The following RASAL2 variants were observed in gnomAD, a reference collection of about 807,000 sequenced individuals.
RASAL2 encodes the protein ras GTPase-activating protein nGAP.
RASAL2 carries 58 observed loss-of-function variants against 128.9 expected under a neutral mutation model. The ratio of observed to expected loss-of-function variants is 0.45; its 90% CI spans 0.36 to 0.56. RASAL2 has a LOEUF of 0.56. Ranked by LOEUF, RASAL2 falls within the 20% of genes least tolerant of loss-of-function variation. The pLI is 0.00. For missense variants in RASAL2, 1,360 were observed against 1,601.6 expected (o/e 0.85, Z 2.57); for synonymous variants, 561 against 580.8 (o/e 0.97, Z 0.49).
chr1:178,445,471 A>G, intron 8 of RASAL2, 47 bp from the exon 9 acceptor site: 1 of 1,584,896 alleles, frequency 6.3e-7, no homozygotes, highest in Middle Eastern at 1.7e-4. Context: ...TCTAATGTGT[A>G]TTATTTATTC....
Position 178,457,884 on chromosome 1 carries a change from A to G in RASAL2, c.2592A>G (p.Ala864=). 4 of 1,614,176 alleles carry G rather than the reference A, an allele frequency of 2.5e-6. No homozygotes were observed. The highest frequency in any genetic ancestry group is 1.1e-5 in the South Asian group (1 of 91,076). Residue 864 remains alanine (A), a synonymous_variant, in exon 14 of 18, where the codon GCA becomes GCG. Transcript: ENST00000367649. ...QDTHAAQVEH[A]SVMLDVPIRL... ...CTCATGCTGCTCAAGTGGAGCATGCATCTGTCATGCTTGATGTGCCTATAC... is the reference window on the plus strand; with the variant it reads ...CTCATGCTGCTCAAGTGGAGCATGCGTCTGTCATGCTTGATGTGCCTATAC...
At chr1:178,211,098 C>T (rs1571636446) in intron 1 of RASAL2, among the ~76,000 whole-genome samples, 1 of 152,192 alleles carries the variant, frequency 6.6e-6, no homozygotes, top group African/African-American at 2.4e-5. Flanking sequence ...CTATTAAAGA[C>T]ACAGCTCAGT....
intron 5 of RASAL2, 73 bp downstream of exon 5, chr1:178,420,693 C>T (rs968236691): frequency 8.9e-7 from 1 of 1,118,626 alleles, no homozygotes; most frequent in Middle Eastern, 2.1e-4. Context: ...TTGGTCTATT[C>T]TGAATTTGAA....
chr1:178,285,115 T>C (rs1408947779), intron 2 of RASAL2, among the ~76,000 whole-genome samples: 11 of 132,924 alleles, frequency 8.3e-5, no homozygotes. Context: ...TTTTTTTTTT[T>C]TTTTTTTTTT....
At chr1:178,309,043 CTG>C (rs1252217257) in intron 3 of RASAL2, among the ~76,000 whole-genome samples, 2 of 151,980 alleles carry the variant, frequency 1.3e-5, no homozygotes, top group African/African-American at 4.8e-5. Context: ...TAAATAATGT[CTG>C]TGTATGGTAG....
intron 1 of RASAL2, among the ~76,000 whole-genome samples, chr1:178,196,364 A>T (rs1662659275): frequency 2.6e-5 from 4 of 152,194 alleles, no homozygotes; most frequent in Admixed American, 2.6e-4. Context: ...AAAAGATTAA[A>T]ATTCAGAATA....
At chr1:178,429,572 T>G (rs1478980889) in intron 5 of RASAL2, among the ~76,000 whole-genome samples, 1 of 152,136 alleles carries the variant, frequency 6.6e-6, no homozygotes, top group African/African-American at 2.4e-5. Flanking sequence ...ATACAGAATC[T>G]GTTTTATCTA....
chr1:178,267,392 G>A (rs943188951), intron 1 of RASAL2, among the ~76,000 whole-genome samples: 6 of 151,562 alleles, frequency 4.0e-5, no homozygotes, highest in Admixed American at 6.6e-5. Flanking sequence ...TTTGGTGATT[G>A]GTTGGTTTGT....
intron 4 of RASAL2, among the ~76,000 whole-genome samples, chr1:178,416,392 C>A (rs989695037): frequency 6.6e-5 from 10 of 151,986 alleles, no homozygotes; most frequent in Admixed American, 4.6e-4. Context: ...CATTATTATT[C>A]ATTTCCCTTA....
intron 3 of RASAL2, among the ~76,000 whole-genome samples, chr1:178,301,962 G>C (rs1210968427): frequency 6.6e-6 from 1 of 152,112 alleles, no homozygotes; most frequent in African/African-American, 2.4e-5. Flanking sequence ...CTTATCTTTT[G>C]TGCTTAACAA....
chr1:178,437,796 G>A (rs1676352078), intron 5 of RASAL2, among the ~76,000 whole-genome samples: 2 of 151,948 alleles, frequency 1.3e-5, no homozygotes, highest in Non-Finnish European at 1.5e-5. Flanking sequence ...TATAGTTGAT[G>A]TACTATATTT....
chr1:178,173,688 TA>T (rs931737511), intron 1 of RASAL2, among the ~76,000 whole-genome samples: 4 of 152,056 alleles, frequency 2.6e-5, no homozygotes, highest in African/African-American at 9.7e-5. Flanking sequence ...CGAGTAGCCT[TA>T]CCTTTACCAC....
intron 1 of RASAL2, among the ~76,000 whole-genome samples, chr1:178,148,551 T>C (rs1486480736): frequency 6.6e-6 from 1 of 151,916 alleles, no homozygotes; most frequent in African/African-American, 2.4e-5. Flanking sequence ...TGGGCTCAGG[T>C]GATCCTCCTG....
chr1:178,252,767 A>G (rs1439200655), intron 1 of RASAL2, among the ~76,000 whole-genome samples: 1 of 152,238 alleles, frequency 6.6e-6, no homozygotes, highest in Middle Eastern at 3.2e-3. Context: ...TGATTGGATA[A>G]TCCAGAAATC....
chr1:178,428,647 T>C (rs1675684552), intron 5 of RASAL2, among the ~76,000 whole-genome samples: 1 of 151,994 alleles, frequency 6.6e-6, no homozygotes, highest in Admixed American at 6.6e-5. Flanking sequence ...TAGCGTGCAG[T>C]GGTGCCATCA....
In RASAL2 at chr1:178,375,430, G is replaced by A. The variant is rs1374411746; in HGVS notation, c.458-14670G>A. The stretch of plus-strand genomic sequence containing the variant: ...GTTTTTTAGAAAGACATCTGAAAGT[G>A]ATACTAAAGGGGAAGAGGCTAGAAG... On this transcript the variant is annotated intron_variant, in intron 3 of 17. Transcript: ENST00000367649. Among the ~76,000 whole-genome samples, 3 of 152,150 alleles carry A rather than the reference G, an allele frequency of 2.0e-5. No individual in the cohort carries two copies. In the East Asian group the frequency reaches 5.8e-4, roughly 29 times the overall value.
intron 10 of RASAL2, 151 bp from the exon 11 acceptor site, chr1:178,452,265 T>C (rs1288793737): frequency 2.9e-6 from 2 of 684,432 alleles, no homozygotes; most frequent in South Asian, 1.8e-5. Context: ...CTCTCAGCCA[T>C]GAATCAGGTA....
chr1:178,277,204 A>G (rs756958106), intron 1 of RASAL2, among the ~76,000 whole-genome samples: 1 of 151,764 alleles, frequency 6.6e-6, no homozygotes, highest in Non-Finnish European at 1.5e-5. Flanking sequence ...TTAATATGAT[A>G]TTAAACATGA....
chr1:178,427,372 G>A (rs1675577735), intron 5 of RASAL2, among the ~76,000 whole-genome samples: 1 of 152,112 alleles, frequency 6.6e-6, no homozygotes, highest in Admixed American at 6.6e-5. Context: ...AGCATATGGA[G>A]TAGAATATTC....
Sources: gnomAD v4.1 joint callset for allele counts (sites outside exome capture counted in the v4.1 genomes callset) on GRCh38, gnomAD v4.1.1 for gene constraint, MANE v1.5 for transcripts, NCBI Gene and HGNC (gene_info 2026-07-23, HGNC 2026-07-21) for gene names.